SMARCAD1: variants seen among roughly 807,000 people sequenced by gnomAD.
SMARCAD1 encodes SWI/SNF-related matrix-associated actin-dependent regulator of chromatin subfamily A containing DEAD/H box 1.
Under a neutral mutation model 127.1 loss-of-function variants are expected in SMARCAD1, and 25 were observed. The observed-to-expected ratio is 0.20, with a 90% CI of 0.14 to 0.27. SMARCAD1 has a LOEUF of 0.27. SMARCAD1 is among the 10% of genes least tolerant of loss of function. The probability of loss-of-function intolerance (pLI) is 1.00; values close to 1 mark genes in which losing one functional copy is unlikely to be tolerated. For missense variants in SMARCAD1, 807 were observed against 1,206.0 expected, an observed-to-expected ratio of 0.67 and a Z score of 4.90; for synonymous variants, 400 against 396.9, an observed-to-expected ratio of 1.01 and a Z score of -0.09.
chr4:94,259,543 A>G (rs1450442962), intron 9 of SMARCAD1, among the ~76,000 whole-genome samples: 1 of 152,104 alleles, frequency 6.6e-6, no homozygotes, highest in Non-Finnish European at 1.5e-5. Context: ...GGTCCTAAGG[A>G]GTTGTTCTGA....
Position 94,290,581 on chromosome 4 carries a change from G to T in SMARCAD1, c.*1047G>T. 1 of 454,430 alleles carries T rather than the reference G, an allele frequency of 2.2e-6. No homozygotes were observed. Among genetic ancestry groups the T allele is most frequent in the Non-Finnish European group, 4.4e-6 (1 of 226,730 alleles). The allele number at this position is 454,430 out of a possible 1,614,324, so 28.1% of individuals were successfully genotyped here. A position where few individuals can be genotyped will look rare whatever the true frequency, so the allele number is the denominator to read the frequency against. On this transcript the variant is annotated 3_prime_UTR_variant, in exon 24 of 24. Coordinates refer to ENST00000354268, the MANE Select transcript of SMARCAD1 (RefSeq NM_020159.5). Reference sequence around the variant, plus strand: ...CCAGTTTCCAGAATTTCCAGTACAGGACCGCCTGAAGAGAGAGCCATTGTT... The same window carrying T: ...CCAGTTTCCAGAATTTCCAGTACAGTACCGCCTGAAGAGAGAGCCATTGTT...
At chr4:94,262,174 T>TA (rs1404668909) in intron 9 of SMARCAD1, among the ~76,000 whole-genome samples, 3 of 152,220 alleles carry the variant, frequency 2.0e-5, no homozygotes, top group African/African-American at 7.2e-5. Context: ...TTCCCTAAGA[T>TA]ACAGATCTTT....
intron 19 of SMARCAD1, 26 bp from the exon 20 acceptor site, chr4:94,280,566 T>A: frequency 6.3e-7 from 1 of 1,584,484 alleles, no homozygotes. Flanking sequence ...TATTTTGAAG[T>A]ATACTGTGTT....
chr4:94,260,186 G>A (rs190468056), intron 9 of SMARCAD1, among the ~76,000 whole-genome samples: 2 of 152,196 alleles, frequency 1.3e-5, no homozygotes, highest in East Asian at 3.9e-4. Context: ...TCATTAGAAG[G>A]TTAAATGCAC....
intron 23 of SMARCAD1, among the ~76,000 whole-genome samples, chr4:94,288,054 A>C (rs1755202461): frequency 6.6e-6 from 1 of 152,078 alleles, no homozygotes; most frequent in Non-Finnish European, 1.5e-5. Context: ...GCGATTTAAC[A>C]GTTGTGACAT....
chr4:94,211,490 T>C (rs796952038), intron 2 of SMARCAD1, among the ~76,000 whole-genome samples: 3 of 152,338 alleles, frequency 2.0e-5, no homozygotes, highest in African/African-American at 7.2e-5. Context: ...TTCTTTATCA[T>C]GTGGTAACTT....
At position 94,250,849 on chromosome 4, in the gene SMARCAD1, C is replaced by A; in HGVS notation, c.889+16C>A. Reference sequence around the variant, plus strand: ...GAAGACCAAGGTAATTATTCTGGGTCATAGAAAATACATACTTCTCATTAT... The same window carrying A: ...GAAGACCAAGGTAATTATTCTGGGTAATAGAAAATACATACTTCTCATTAT... On this transcript the variant is annotated intron_variant, in intron 8 of 23. Transcript: ENST00000354268. 6.3e-7 allele frequency: 1 copy of A among 1,578,368 alleles called. No homozygotes were observed. Among genetic ancestry groups the A allele is most frequent in the South Asian group, 1.1e-5 (1 of 90,150 alleles).
intron 14 of SMARCAD1, among the ~76,000 whole-genome samples, chr4:94,275,876 A>G (rs893838085): frequency 7.0e-6 from 1 of 142,922 alleles, no homozygotes. Flanking sequence ...AGCTTACTGC[A>G]ACCTCTTGCC....
At chr4:94,229,533 T>C (rs940975901) in intron 3 of SMARCAD1, among the ~76,000 whole-genome samples, 14 of 152,116 alleles carry the variant, frequency 9.2e-5, no homozygotes, top group African/African-American at 2.9e-4. Flanking sequence ...ATTCCTATCA[T>C]TTTCCTTTCT....
At chr4:94,266,176 G>C (rs1289888859) in intron 10 of SMARCAD1, among the ~76,000 whole-genome samples, 1 of 152,066 alleles carries the variant, frequency 6.6e-6, no homozygotes, top group Non-Finnish European at 1.5e-5. Context: ...TGTAGTTGGA[G>C]CTGCTGCTTC....
In SMARCAD1 at chr4:94,278,758, A is replaced by T; in HGVS notation, c.2296+25A>T. The T allele has an allele frequency of 6.2e-7, 1 of 1,605,958 alleles. No individual in the cohort carries two copies. ...GGTATAATCTGATTTTTACTCTTTT[A>T]TGTGAAAAAGAATCTTGTACTGGGG... On this transcript the variant is annotated intron_variant, in intron 18 of 23. Coordinates refer to ENST00000354268, the MANE Select transcript of SMARCAD1 (RefSeq NM_020159.5).
chr4:94,287,344 A>G (rs1755089496), intron 23 of SMARCAD1, among the ~76,000 whole-genome samples: 1 of 152,102 alleles, frequency 6.6e-6, no homozygotes, highest in Non-Finnish European at 1.5e-5. Flanking sequence ...CATCTCTCAC[A>G]GTGAGGTCCT....
chr4:94,237,475 G>A (rs142712932), intron 5 of SMARCAD1, among the ~76,000 whole-genome samples: 7 of 144,784 alleles, frequency 4.8e-5, no homozygotes, highest in Admixed American at 2.1e-4. Flanking sequence ...ATGCTGACTC[G>A]ATTTTTTTTA....
chr4:94,225,553 G>A (rs1486289468), intron 2 of SMARCAD1, among the ~76,000 whole-genome samples: 1 of 152,084 alleles, frequency 6.6e-6, no homozygotes, highest in Non-Finnish European at 1.5e-5. Context: ...ACATTTTGAG[G>A]TATTGGTGAT....
intron 6 of SMARCAD1, among the ~76,000 whole-genome samples, chr4:94,243,368 T>G (rs1210744663): frequency 6.6e-6 from 1 of 152,216 alleles, no homozygotes; most frequent in Admixed American, 6.5e-5. Context: ...CTCTTGAACC[T>G]ACTCAAGTCC....
rs567458652 is a variant in SMARCAD1 at position 94,249,036 on chromosome 4, T to A, written c.706-618T>A. Among the ~76,000 whole-genome samples, 28 of 152,278 alleles carry A rather than the reference T, an allele frequency of 1.8e-4. No individual in the cohort carries two copies. The South Asian group carries it at 5.6e-3, about 30-fold the overall frequency. On this transcript the variant is annotated intron_variant, in intron 6 of 23. Coordinates refer to ENST00000354268, the MANE Select transcript of SMARCAD1 (RefSeq NM_020159.5). Reference sequence around the variant, plus strand: ...TGCTTAAATGTGGACTTTAACCAGTTTCTTCAAGTGAAGTTAAGTGACAGA... The same window carrying A: ...TGCTTAAATGTGGACTTTAACCAGTATCTTCAAGTGAAGTTAAGTGACAGA...
intron 10 of SMARCAD1, among the ~76,000 whole-genome samples, chr4:94,266,984 AAG>A (rs1197232833): frequency 5.9e-5 from 9 of 152,136 alleles, no homozygotes; most frequent in African/African-American, 1.9e-4. Context: ...AGTGAGGAAA[AAG>A]AAAATAAATC....
At chr4:94,260,439 G>T (rs1387305626) in intron 9 of SMARCAD1, among the ~76,000 whole-genome samples, 1 of 152,036 alleles carries the variant, frequency 6.6e-6, no homozygotes, top group Non-Finnish European at 1.5e-5. Flanking sequence ...TGCCTCCTGG[G>T]TTCAAGAAAT....
intron 6 of SMARCAD1, among the ~76,000 whole-genome samples, chr4:94,243,149 G>A (rs1747857085): frequency 6.6e-6 from 1 of 151,998 alleles, no homozygotes; most frequent in Non-Finnish European, 1.5e-5. Context: ...ATATTAGCCG[G>A]GCTGATCTCA....
Sources: allele counts gnomAD v4.1 joint callset (sites outside exome capture counted in the v4.1 genomes callset), GRCh38; gene constraint gnomAD v4.1.1; transcripts MANE v1.5; gene names NCBI Gene and HGNC (gene_info 2026-07-23, HGNC 2026-07-21).